Variants in ACTN1 observed in about 807,000 individuals in gnomAD.
ACTN1 encodes actinin alpha 1, also known as alpha-actinin-1.
In ACTN1, 30 loss-of-function variants were observed where a neutral mutation model predicts 119.6. The ratio of observed to expected loss-of-function variants is 0.25; its 90% CI spans 0.19 to 0.34. The LOEUF (loss-of-function observed/expected upper bound fraction) is 0.34. ACTN1 is among the 10% of genes least tolerant of loss of function. The pLI, the probability that ACTN1 is intolerant of heterozygous loss-of-function variation, is 1.00. For synonymous variants in ACTN1, 429 were observed against 472.6 expected (o/e 0.91, Z 1.20); for missense variants, 764 against 1,223.4 (o/e 0.62, Z 5.60).
At chr14:68,956,333 G>GA (rs966924016) in intron 1 of ACTN1, among the ~76,000 whole-genome samples, 6 of 152,222 alleles carry the variant, frequency 3.9e-5, no homozygotes, top group African/African-American at 1.4e-4. Context: ...ATTAAAGGGG[G>GA]AAAAAATGTA....
intron 1 of ACTN1, among the ~76,000 whole-genome samples, chr14:68,969,913 G>A (rs145441886): frequency 4.6e-5 from 7 of 152,234 alleles, no homozygotes; most frequent in Middle Eastern, 6.8e-3. Flanking sequence ...TTAGGGGACC[G>A]GCCTGAAGGA....
chr14:68,916,950 C>T (rs1467879530), intron 3 of ACTN1, among the ~76,000 whole-genome samples: 1 of 152,148 alleles, frequency 6.6e-6, no homozygotes, highest in Non-Finnish European at 1.5e-5. Flanking sequence ...CCACCACCTC[C>T]CAGACCAATG....
At chr14:68,970,150 C>A (rs965859309) in intron 1 of ACTN1, among the ~76,000 whole-genome samples, 7 of 152,160 alleles carry the variant, frequency 4.6e-5, no homozygotes, top group African/African-American at 1.4e-4. Flanking sequence ...CACCCACCAC[C>A]AAGAAACAGG....
Position 68,978,741 on chromosome 14 carries a change from G to C in ACTN1, c.105+211C>G, listed in dbSNP as rs2037158494. ...GCGCCACCTCCCCGCGCTCCGGCCC[G>C]GCGTTCCCGGGCTCCGGGGCAGGGG... is the stretch of plus-strand genomic sequence containing the variant. On this transcript the variant is annotated intron_variant, in intron 1 of 21. Transcript: ENST00000394419. 3.8e-5 allele frequency: 14 copies of C among 372,656 alleles called. No homozygotes were observed. In the South Asian group the frequency reaches 9.5e-4, roughly 25 times the overall value. 23.1% of individuals were successfully genotyped at this position (372,656 alleles called of 1,614,324 possible). A position where few individuals can be genotyped will look rare whatever the true frequency, so the allele number is the denominator to read the frequency against.
At chr14:68,891,409 T>C (rs1357211475) in intron 10 of ACTN1, among the ~76,000 whole-genome samples, 1 of 152,236 alleles carries the variant, frequency 6.6e-6, no homozygotes, top group African/African-American at 2.4e-5. Context: ...CAGCTTATTA[T>C]ATAAAACAGG....
chr14:68,964,030 T>C (rs1283016697), intron 1 of ACTN1, among the ~76,000 whole-genome samples: 1 of 152,208 alleles, frequency 6.6e-6, no homozygotes, highest in East Asian at 1.9e-4. Context: ...TCTAAATTGC[T>C]TGCTACCTTA....
intron 2 of ACTN1, among the ~76,000 whole-genome samples, chr14:68,922,374 G>GT (rs1313293789): frequency 6.6e-6 from 1 of 152,228 alleles, no homozygotes; most frequent in Non-Finnish European, 1.5e-5. Flanking sequence ...AAGCACAGCT[G>GT]TTTTTTAAAT....
chr14:68,878,580 G>A lies in ACTN1; in HGVS notation c.2362-57C>T. 6.2e-7 allele frequency: 1 copy of A among 1,608,250 alleles called. No homozygotes were observed. ...AGGGTCGGGAAGGCAGGAAGAGGAAGGGCCGGCCCGGGGCCAGGAAGACAG... is the reference window on the plus strand; with the variant it reads ...AGGGTCGGGAAGGCAGGAAGAGGAAAGGCCGGCCCGGGGCCAGGAAGACAG... On this transcript the variant is annotated intron_variant, in intron 19 of 21. Coordinates refer to ENST00000394419, the MANE Select transcript of ACTN1 (RefSeq NM_001130004.2). This position sits in a 1 kb window ranked among gnomAD's most constrained non-coding sequence, Gnocchi z 4.4.
intron 1 of ACTN1, among the ~76,000 whole-genome samples, chr14:68,940,370 G>A (rs947190750): frequency 6.6e-6 from 1 of 152,158 alleles, no homozygotes; most frequent in Non-Finnish European, 1.5e-5. Flanking sequence ...GGAACCCGGG[G>A]TCTGGCAGAC....
intron 1 of ACTN1, among the ~76,000 whole-genome samples, chr14:68,952,298 C>T (rs1316453482): frequency 1.3e-5 from 2 of 152,176 alleles, no homozygotes; most frequent in South Asian, 2.1e-4. Flanking sequence ...GCTTGGACTC[C>T]GCAGCAGCAA....
chr14:68,954,423 T>C (rs925628075), intron 1 of ACTN1, among the ~76,000 whole-genome samples: 16 of 152,162 alleles, frequency 1.1e-4, no homozygotes, highest in Admixed American at 3.3e-4. Context: ...CGCCTTCCAG[T>C]TTCAAGAGGT....
chr14:68,920,840 T>C (rs372569081), intron 3 of ACTN1, among the ~76,000 whole-genome samples, 166 bp downstream of exon 3: 12 of 152,120 alleles, frequency 7.9e-5, no homozygotes, highest in African/African-American at 1.4e-4. Flanking sequence ...AGAAAAGCGC[T>C]GTTGCAATAC....
rs938071127 is a variant in ACTN1 at position 68,893,549 on chromosome 14, A to G, written c.855+106T>C. 26 of 1,109,766 alleles carry G rather than the reference A, an allele frequency of 2.3e-5. No homozygotes were observed. In the African/African-American group the frequency reaches 3.7e-4, roughly 16 times the overall value. The allele number at this position is 1,109,766 out of a possible 1,614,324, so 68.7% of individuals were successfully genotyped here. On this transcript the variant is annotated intron_variant, in intron 9 of 21. Coordinates refer to ENST00000394419, the MANE Select transcript of ACTN1 (RefSeq NM_001130004.2). Reference sequence around the variant, plus strand: ...CCTGGACTAGCAGTATTGGGATCAGAGACTATACAAGCCTGAGACTATGCT... The same window carrying G: ...CCTGGACTAGCAGTATTGGGATCAGGGACTATACAAGCCTGAGACTATGCT...
chr14:68,945,769 C>T (rs2035925098), intron 1 of ACTN1, among the ~76,000 whole-genome samples: 1 of 152,194 alleles, frequency 6.6e-6, no homozygotes, highest in African/African-American at 2.4e-5. Flanking sequence ...ATACTCCCTG[C>T]CTGCCCAGAC....
chr14:68,978,039 G>T, intron 1 of ACTN1: 1 of 456,164 alleles, frequency 2.2e-6, no homozygotes, highest in Non-Finnish European at 4.4e-6. Context: ...TGGCCACTGT[G>T]CCCGGGTCCC....
rs2031803314 is a variant in ACTN1 at position 68,884,148 on chromosome 14, G to C, written c.1635+20C>G. On this transcript the variant is annotated intron_variant, in intron 14 of 21. Transcript: ENST00000394419. ...GGGCCCCAGGGGAGCCAGCCTCCGG[G>C]GAGTGGAGGTGGGGCTCACCTGGAT... 6.2e-7 allele frequency: 1 copy of C among 1,603,370 alleles called. No individual in the cohort carries two copies. The highest frequency in any genetic ancestry group is 1.3e-5 in the African/African-American group (1 of 74,678).
intron 2 of ACTN1, among the ~76,000 whole-genome samples, chr14:68,923,225 A>C (rs1389826350): frequency 6.6e-6 from 1 of 152,204 alleles, no homozygotes; most frequent in Admixed American, 6.5e-5. Context: ...ACCTGCCCCA[A>C]GGAGCTCAGT....
rs1053046500 is a variant in ACTN1 at position 68,925,600 on chromosome 14, G to A, written c.178C>T (p.Arg60Trp). Reference protein sequence around the residue: ...TQIENIEEDFRDGLKLMLLLE... With the variant: ...TQIENIEEDFWDGLKLMLLLE... ...AGCAGCATGAGCTTCAGGCCATCCC[G>A]GAAGTCCTCTTCGATGTTCTCGATC... The change falls in exon 2 of 22, where the codon CGG becomes TGG. Residue 60 changes from arginine (R) to tryptophan (W), a missense_variant. This residue lies in a region of ACTN1 where 64 missense variants were observed against 80.0 expected (regional missense o/e 0.80). Coordinates refer to ENST00000394419, the MANE Select transcript of ACTN1 (RefSeq NM_001130004.2). The surrounding 1 kb of genome is among the most constrained non-coding windows in gnomAD (Gnocchi z 4.3). The A allele has an allele frequency of 6.8e-6, 11 of 1,613,430 alleles. No homozygotes were observed. The East Asian group carries it at 1.6e-4, about 23-fold the overall frequency.
rs186065700 is a variant in ACTN1 at position 68,930,746 on chromosome 14, A to G, written c.106-5074T>C. Among the ~76,000 whole-genome samples the G allele has an allele frequency of 6.6e-5, 10 of 152,362 alleles. No individual in the cohort carries two copies. The East Asian group carries it at 1.7e-3, about 26-fold the overall frequency. ...CCATCTGTAAAATGGGGGTAGTAAT[A>G]GCACCTACCCAGAGGATTATTGGAG... On this transcript the variant is annotated intron_variant, in intron 1 of 21. Transcript: ENST00000394419.
Sources: gnomAD v4.1 joint callset for allele counts (sites outside exome capture counted in the v4.1 genomes callset) on GRCh38, gnomAD v4.1.1 for gene constraint, gnomAD v4.1.1 regional missense constraint, Gnocchi (gnomAD v3.1) non-coding constraint, MANE v1.5 for transcripts, NCBI Gene and HGNC (gene_info 2026-07-23, HGNC 2026-07-21) for gene names.